TMPRSS11F: variants seen among roughly 807,000 people sequenced by gnomAD.
TMPRSS11F encodes the protein transmembrane protease serine 11F.
A neutral mutation model predicts 60.2 loss-of-function variants in TMPRSS11F; 47 were observed. The ratio of observed to expected loss-of-function variants is 0.78; its 90% confidence interval spans 0.62 to 1.00. The LOEUF is 1.00. TMPRSS11F is among the 50% of genes least tolerant of loss of function. TMPRSS11F has a pLI of 0.00. For synonymous variants in TMPRSS11F, 166 were observed against 167.3 expected (o/e 0.99, Z 0.06); for missense variants, 519 against 522.9 (o/e 0.99, Z 0.07).
chr4:68,083,811 C>G (rs1359629737), intron 3 of TMPRSS11F, among the ~76,000 whole-genome samples: 1 of 152,226 alleles, frequency 6.6e-6, no homozygotes, highest in East Asian at 1.9e-4. Context: ...CCCTACCTCC[C>G]CAGCAATGTT....
intron 3 of TMPRSS11F, chr4:68,080,020 T>C (rs935157457): frequency 6.6e-6 from 1 of 152,220 alleles, no homozygotes; most frequent in African/African-American, 2.4e-5. Context: ...ATGAAAATAA[T>C]CAGGCAGGTT....
intron 1 of TMPRSS11F, among the ~76,000 whole-genome samples, chr4:68,114,728 A>AG (rs889443701): frequency 2.0e-5 from 3 of 151,970 alleles, no homozygotes; most frequent in Non-Finnish European, 4.4e-5. Flanking sequence ...CTGGAAAAAA[A>AG]AAAATCAGAT....
At chr4:68,125,317 T>G (rs1724695335) in intron 1 of TMPRSS11F, among the ~76,000 whole-genome samples, 1 of 152,046 alleles carries the variant, frequency 6.6e-6, no homozygotes, top group Admixed American at 6.6e-5. Flanking sequence ...CATTCAAATT[T>G]TGAGCAGTAA....
intron 1 of TMPRSS11F, among the ~76,000 whole-genome samples, chr4:68,119,458 T>G (rs1553889074): frequency 6.6e-6 from 1 of 152,178 alleles, no homozygotes; most frequent in Non-Finnish European, 1.5e-5. Context: ...ATGCCTAGCT[T>G]CAAATACTGG....
chr4:68,081,568 C>T (rs1339190948), intron 3 of TMPRSS11F, among the ~76,000 whole-genome samples: 2 of 152,246 alleles, frequency 1.3e-5, no homozygotes, highest in Admixed American at 1.3e-4. Flanking sequence ...ATAAAGTATT[C>T]CTGCATTCCA....
At chr4:68,103,247 C>T (rs531597005) in intron 1 of TMPRSS11F, among the ~76,000 whole-genome samples, 2 of 152,016 alleles carry the variant, frequency 1.3e-5, no homozygotes, top group Admixed American at 6.5e-5. Context: ...TTCAGGCCAG[C>T]CTGGACAACA....
At chr4:68,101,668 C>T (rs1002242569) in intron 1 of TMPRSS11F, among the ~76,000 whole-genome samples, 6 of 152,042 alleles carry the variant, frequency 3.9e-5, no homozygotes, top group African/African-American at 9.7e-5. Context: ...GAGTTGGATG[C>T]TAAATGGAAC....
chr4:68,098,883 T>A lies in TMPRSS11F; in HGVS notation c.163+4A>T. 6.2e-7 allele frequency: 1 copy of A among 1,608,564 alleles called. No individual in the cohort carries two copies. The highest frequency in any genetic ancestry group is 8.5e-7 in the Non-Finnish European group (1 of 1,177,588). On this transcript the variant is annotated splice_donor_region_variant and intron_variant, in intron 2 of 9. Transcript: ENST00000356291. ...GGCAATGGAACTGTGACCTGGATAC[T>A]TACCCTCAACAACAAAATGAGTAAC...
rs149373100 is a variant in TMPRSS11F at position 68,113,876 on chromosome 4, T to C, written c.12-14838A>G. Among the ~76,000 whole-genome samples the C allele has an allele frequency of 9.4e-3, 1,427 of 152,176 alleles. 17 individuals are homozygous for C. Among genetic ancestry groups the C allele is most frequent in the Middle Eastern group, 0.037 (11 of 294 alleles). On this transcript the variant is annotated intron_variant, in intron 1 of 9. Coordinates refer to ENST00000356291, the MANE Select transcript of TMPRSS11F (RefSeq NM_207407.2). ...AAAACTAATAAAAAAAGAGCACAAT[T>C]TGGTTCATAAACACACCTCAACAAA...
At position 68,098,964 on chromosome 4, in the gene TMPRSS11F, C is replaced by G; in HGVS notation, c.86G>C (p.Arg29Pro). 1.2e-6 allele frequency: 2 copies of G among 1,613,150 alleles called. No individual in the cohort carries two copies. The highest frequency in any genetic ancestry group is 8.5e-7 in the Non-Finnish European group (1 of 1,179,528). ...AATTGCTAATGTGAAAAGAGCTAGC[C>G]GTACTGAGTCCCAAAATTGCTGCTT... Reference protein sequence around the residue: ...QRKQQFWDSVRLALFTLAIVA... With the variant: ...QRKQQFWDSVPLALFTLAIVA... Residue 29 changes from arginine to proline, a missense_variant, in exon 2 of 10, where the codon CGG becomes CCG. Coordinates refer to ENST00000356291, the MANE Select transcript of TMPRSS11F (RefSeq NM_207407.2).
At chr4:68,111,858 A>G (rs1177074660) in intron 1 of TMPRSS11F, among the ~76,000 whole-genome samples, 1 of 152,192 alleles carries the variant, frequency 6.6e-6, no homozygotes, top group Admixed American at 6.5e-5. Flanking sequence ...ACTCAGAACT[A>G]TGATTCCCAA....
chr4:68,124,208 G>T (rs912942438), intron 1 of TMPRSS11F, among the ~76,000 whole-genome samples: 1 of 135,994 alleles, frequency 7.4e-6, no homozygotes, highest in Admixed American at 7.5e-5. Context: ...GCGACAGAGT[G>T]AGACTCTGTC....
chr4:68,110,334 T>C (rs140913616), intron 1 of TMPRSS11F, among the ~76,000 whole-genome samples: 1 of 152,296 alleles, frequency 6.6e-6, no homozygotes, highest in Non-Finnish European at 1.5e-5. Context: ...AAGGAAACTG[T>C]GAACCTCAGC....
rs1723532289 is a variant in TMPRSS11F at position 68,073,960 on chromosome 4, G to A, written c.332C>T (p.Ser111Phe). The change falls in exon 4 of 10, where the codon TCT (serine) becomes TTT (phenylalanine). Residue 111 changes from serine to phenylalanine, a missense_variant. Ser to Phe is a radical substitution (Grantham distance 155, BLOSUM62 -2). Coordinates refer to ENST00000356291, the MANE Select transcript of TMPRSS11F (RefSeq NM_207407.2). ...TACATACCTTAATTTGATAACATGA[G>A]ATTTGATAAATCGACCGCCTACAGA... ...HSSVGGRFIK[S>F]HVIKLSPDEQ... is the part of the protein sequence containing the mutation. 2 of 1,579,858 alleles carry A rather than the reference G, an allele frequency of 1.3e-6. No homozygotes were observed. The highest frequency in any genetic ancestry group is 2.7e-5 in the African/African-American group (2 of 73,178).
chr4:68,111,564 C>A (rs1724410313), intron 1 of TMPRSS11F, among the ~76,000 whole-genome samples: 1 of 152,088 alleles, frequency 6.6e-6, no homozygotes, highest in Admixed American at 6.5e-5. Context: ...AGGTAATAGG[C>A]TATAAAAGGA....
intron 1 of TMPRSS11F, among the ~76,000 whole-genome samples, chr4:68,112,497 C>G (rs1724426404): frequency 6.6e-6 from 1 of 152,018 alleles, no homozygotes; most frequent in African/African-American, 2.4e-5. Flanking sequence ...CTATATTTTT[C>G]CAACCTTAAA....
At chr4:68,061,273 A>G (rs1393093567) in intron 8 of TMPRSS11F, among the ~76,000 whole-genome samples, 1 of 152,220 alleles carries the variant, frequency 6.6e-6, no homozygotes, top group African/African-American at 2.4e-5. Context: ...GAATCGTTGC[A>G]TTTATAAAAA....
intron 3 of TMPRSS11F, among the ~76,000 whole-genome samples, chr4:68,082,563 C>G (rs1048125360): frequency 3.3e-5 from 5 of 152,250 alleles, no homozygotes; most frequent in African/African-American, 1.2e-4. Flanking sequence ...AGAACATGCA[C>G]ACAGCAGAGC....
At chr4:68,127,804 T>C (rs1577941046) in intron 1 of TMPRSS11F, among the ~76,000 whole-genome samples, 1 of 152,018 alleles carries the variant, frequency 6.6e-6, no homozygotes, top group African/African-American at 2.4e-5. Context: ...AAAAATAAAA[T>C]TAATACAAAT....
Sources: gnomAD v4.1 joint callset for allele counts (sites outside exome capture counted in the v4.1 genomes callset) on GRCh38, gnomAD v4.1.1 for gene constraint, MANE v1.5 for transcripts, NCBI Gene and HGNC (gene_info 2026-07-23, HGNC 2026-07-21) for gene names.